The following KCNMA1 variants were observed in gnomAD, a reference collection of about 807,000 sequenced individuals.
KCNMA1 encodes potassium calcium-activated channel subfamily M alpha 1.
Under a neutral mutation model 140.0 loss-of-function variants are expected in KCNMA1, and 29 were observed. The observed-to-expected ratio is 0.21, with a 90% CI of 0.15 to 0.28. The LOEUF is 0.28. Ranked by LOEUF, KCNMA1 falls within the 10% of genes least tolerant of loss-of-function variation. The pLI, the probability that KCNMA1 is intolerant of heterozygous loss-of-function variation, is 1.00. For synonymous variants in KCNMA1, 612 were observed against 611.9 expected (o/e 1.00, Z 0.00); for missense variants, 880 against 1,602.2 (o/e 0.55, Z 7.70).
At chr10:77,564,542 C>A (rs1264678668) in intron 1 of KCNMA1, among the ~76,000 whole-genome samples, 3 of 152,062 alleles carry the variant, frequency 2.0e-5, no homozygotes, top group African/African-American at 7.2e-5. Flanking sequence ...AAGATCACAC[C>A]ACTGTACTCC....
chr10:76,969,239 G>T (rs148274051), intron 20 of KCNMA1, among the ~76,000 whole-genome samples: 223 of 128,038 alleles, frequency 1.7e-3, no homozygotes, highest in African/African-American at 5.5e-3. Flanking sequence ...AAGAAGTGAG[G>T]GAGAAAGAGA....
chr10:76,893,556 G>A (rs989554474), intron 25 of KCNMA1, among the ~76,000 whole-genome samples: 6 of 151,928 alleles, frequency 3.9e-5, no homozygotes, highest in African/African-American at 7.3e-5. Flanking sequence ...GCTGGCCAAC[G>A]TGGTGAATCC....
chr10:77,412,836 T>C (rs2096649464), intron 1 of KCNMA1, among the ~76,000 whole-genome samples: 1 of 152,150 alleles, frequency 6.6e-6, no homozygotes, highest in Admixed American at 6.5e-5. Flanking sequence ...TAGGCCCATG[T>C]TAGCTTTTTT....
intron 1 of KCNMA1, among the ~76,000 whole-genome samples, chr10:77,603,271 C>T (rs1334043778): frequency 6.6e-6 from 1 of 152,192 alleles, no homozygotes; most frequent in East Asian, 1.9e-4. Context: ...CCTGCAGAGT[C>T]AGGCTTGCAC....
intron 1 of KCNMA1, among the ~76,000 whole-genome samples, chr10:77,605,953 G>A (rs1322730084): frequency 6.6e-6 from 1 of 152,178 alleles, no homozygotes; most frequent in Non-Finnish European, 1.5e-5. Flanking sequence ...TGAATCCATG[G>A]TCCTCACCAT....
At chr10:77,608,722 T>C (rs1464928548) in intron 1 of KCNMA1, among the ~76,000 whole-genome samples, 1 of 152,196 alleles carries the variant, frequency 6.6e-6, no homozygotes, top group Non-Finnish European at 1.5e-5. Context: ...TTATAGACAC[T>C]TGCATTGATC....
chr10:77,352,648 GTT>G (rs370514704), intron 2 of KCNMA1, among the ~76,000 whole-genome samples: 4,346 of 141,386 alleles, frequency 0.031, 80 homozygotes, highest in Non-Finnish European at 0.049. Flanking sequence ...GTGTGTGTGT[GTT>G]TGTGTGTGTG....
intron 2 of KCNMA1, among the ~76,000 whole-genome samples, chr10:77,402,845 C>A (rs1374434368): frequency 6.6e-6 from 1 of 152,162 alleles, no homozygotes; most frequent in East Asian, 1.9e-4. Context: ...TTGACTGAGC[C>A]CTAGCTTCAT....
intron 9 of KCNMA1, among the ~76,000 whole-genome samples, chr10:77,106,710 T>C (rs188556644): frequency 2.5e-4 from 38 of 152,352 alleles, no homozygotes; most frequent in Admixed American, 1.0e-3. Flanking sequence ...TTCTGCTTTA[T>C]GGAGACCTGT....
At chr10:76,900,411 G>A (rs952442634) in intron 25 of KCNMA1, among the ~76,000 whole-genome samples, 1 of 152,174 alleles carries the variant, frequency 6.6e-6, no homozygotes, top group Non-Finnish European at 1.5e-5. Context: ...ACTGTAAGTA[G>A]TACACAAAAT....
chr10:77,624,629 C>T (rs1056580490), intron 1 of KCNMA1, among the ~76,000 whole-genome samples: 1 of 152,100 alleles, frequency 6.6e-6, no homozygotes, highest in Non-Finnish European at 1.5e-5. Flanking sequence ...GTTTTAAAAT[C>T]TGACTTAAGA....
chr10:77,613,091 C>T (rs1336107948), intron 1 of KCNMA1, among the ~76,000 whole-genome samples: 3 of 152,308 alleles, frequency 2.0e-5, no homozygotes, highest in Admixed American at 2.0e-4. Context: ...CCCCAAAACC[C>T]CACCACCAGG....
intron 1 of KCNMA1, among the ~76,000 whole-genome samples, chr10:77,451,225 G>C (rs1225080250): frequency 1.3e-5 from 2 of 152,164 alleles, no homozygotes; most frequent in Admixed American, 6.5e-5. Context: ...TACAAGAGGA[G>C]CCTGACCAGT....
chr10:77,062,713 T>C (rs1243436487), intron 14 of KCNMA1, among the ~76,000 whole-genome samples: 1 of 152,208 alleles, frequency 6.6e-6, no homozygotes, highest in Non-Finnish European at 1.5e-5. Flanking sequence ...GAGCTTAATT[T>C]TTATAGTTTT....
intron 3 of KCNMA1, among the ~76,000 whole-genome samples, chr10:77,244,759 C>T (rs2058178242): frequency 6.6e-6 from 1 of 152,164 alleles, no homozygotes; most frequent in Admixed American, 6.5e-5. Flanking sequence ...GAGTTACTCT[C>T]ATATCAGAGC....
intron 2 of KCNMA1, among the ~76,000 whole-genome samples, chr10:77,353,444 C>T (rs1198936982): frequency 6.6e-6 from 1 of 151,910 alleles, no homozygotes; most frequent in East Asian, 1.9e-4. Context: ...TTAATAATAG[C>T]TAAGATTTAT....
intron 14 of KCNMA1, among the ~76,000 whole-genome samples, chr10:77,056,800 C>T (rs940653793): frequency 1.3e-5 from 2 of 152,136 alleles, no homozygotes; most frequent in African/African-American, 2.4e-5. Flanking sequence ...ATGGGCTCAA[C>T]AGCAGAGCAA....
intron 2 of KCNMA1, among the ~76,000 whole-genome samples, chr10:77,356,050 T>C (rs545865140): frequency 1.3e-5 from 2 of 152,298 alleles, no homozygotes; most frequent in Admixed American, 6.5e-5. Context: ...CTTCCTTCTG[T>C]TTTACTTCCA....
At chr10:77,191,082 G>T (rs976789888) in intron 3 of KCNMA1, among the ~76,000 whole-genome samples, 2 of 152,176 alleles carry the variant, frequency 1.3e-5, no homozygotes, top group Admixed American at 6.6e-5. Flanking sequence ...ATAACCAAGA[G>T]AGTAGGTCTA....
Sources: gnomAD v4.1 joint callset for allele counts (sites outside exome capture counted in the v4.1 genomes callset) on GRCh38, gnomAD v4.1.1 for gene constraint, MANE v1.5 for transcripts, NCBI Gene and HGNC (gene_info 2026-07-23, HGNC 2026-07-21) for gene names.